The following SV2C variants were observed in gnomAD, a reference collection of about 807,000 sequenced individuals.
SV2C encodes the protein solute carrier family 22 member B3.
Under a neutral mutation model 79.7 loss-of-function variants are expected in SV2C, and 49 were observed. The observed-to-expected ratio is 0.61, with a 90% CI of 0.49 to 0.78. The LOEUF (loss-of-function observed/expected upper bound fraction) is 0.78, where lower values mean the gene tolerates loss of function less well. Ranked by LOEUF, SV2C falls within the 30% of genes least tolerant of loss-of-function variation. The pLI is 0.00. For missense variants in SV2C, 833 were observed against 912.9 expected, an observed-to-expected ratio of 0.91 and a Z score of 1.13; for synonymous variants, 334 against 333.2, an observed-to-expected ratio of 1.00 and a Z score of -0.03.
At chr5:75,916,382 C>A in the SV2C span, among the ~76,000 whole-genome samples, 1 of 141,226 alleles carries the variant, frequency 7.1e-6, no homozygotes. Flanking sequence ...TCCTCCTCCT[C>A]CCCTTCCCCT....
rs369214665 is a variant in SV2C at position 76,108,570 on chromosome 5, A to G, written c.-101-23080A>G. On this transcript the variant is annotated intron_variant, in intron 1 of 12. Coordinates refer to ENST00000502798, the MANE Select transcript of SV2C (RefSeq NM_014979.4). ...TTCTTAAAATTGTATTCTTCACCAT[A>G]TTAGAGGGGAGAATACCTTTCTCTT... Among the ~76,000 whole-genome samples, 94 of 129,202 alleles carry G rather than the reference A, an allele frequency of 7.3e-4. 1 individual carries two copies. Among genetic ancestry groups the G allele is most frequent in the African/African-American group, 3.2e-3 (83 of 25,940 alleles). The allele number at this position is 129,202 out of a possible 152,430, so 84.8% of individuals were successfully genotyped here. A position where few individuals can be genotyped will look rare whatever the true frequency, so the allele number is the denominator to read the frequency against.
chr5:75,974,605 G>T, the SV2C span, among the ~76,000 whole-genome samples: 1 of 151,410 alleles, frequency 6.6e-6, no homozygotes, highest in Non-Finnish European at 1.5e-5. Flanking sequence ...AACAGTGATG[G>T]CATATTGGGA....
At chr5:75,982,206 T>G in the SV2C span, among the ~76,000 whole-genome samples, 2 of 123,622 alleles carry the variant, frequency 1.6e-5, no homozygotes, top group Non-Finnish European at 3.5e-5. Context: ...AATGTGCACA[T>G]GTACCCTAAA....
the SV2C span, among the ~76,000 whole-genome samples, chr5:76,029,312 G>C: frequency 2.0e-5 from 3 of 152,112 alleles, no homozygotes; most frequent in African/African-American, 7.2e-5. Flanking sequence ...TCATACAATA[G>C]ATCTCTTGAA....
chr5:75,877,940 GA>G, the SV2C span, among the ~76,000 whole-genome samples: 1,733 of 121,382 alleles, frequency 0.014, 14 homozygotes, highest in East Asian at 0.043. Context: ...GGGAGTGATA[GA>G]AAAAAAAAAA....
the SV2C span, among the ~76,000 whole-genome samples, chr5:75,927,670 A>G: frequency 6.6e-6 from 1 of 152,208 alleles, no homozygotes; most frequent in African/African-American, 2.4e-5. Context: ...AAACAATAAC[A>G]ACAAACCCCC....
the SV2C span, among the ~76,000 whole-genome samples, chr5:75,877,294 G>A: frequency 6.6e-6 from 1 of 151,870 alleles, no homozygotes; most frequent in Non-Finnish European, 1.5e-5. Flanking sequence ...AATATATGAA[G>A]CAAATAAAGA....
At chr5:75,894,947 G>C in the SV2C span, among the ~76,000 whole-genome samples, 1 of 151,994 alleles carries the variant, frequency 6.6e-6, no homozygotes, top group Non-Finnish European at 1.5e-5. Flanking sequence ...ACTGACTGAC[G>C]GAGTGTTGAA....
chr5:76,227,622 C>G (rs1012665181), intron 4 of SV2C, among the ~76,000 whole-genome samples: 1 of 152,172 alleles, frequency 6.6e-6, no homozygotes, highest in African/African-American at 2.4e-5. Context: ...ACCTCCGTGG[C>G]ACTGAACACA....
chr5:76,104,025 C>A (rs972242714), intron 1 of SV2C, among the ~76,000 whole-genome samples: 1 of 152,186 alleles, frequency 6.6e-6, no homozygotes, highest in African/African-American at 2.4e-5. Context: ...TCATGACTAA[C>A]TTTATTCTAT....
chr5:76,151,690 G>A (rs1036908620), intron 2 of SV2C, among the ~76,000 whole-genome samples: 4 of 152,174 alleles, frequency 2.6e-5, no homozygotes, highest in Non-Finnish European at 2.9e-5. Context: ...TGAGGTTGGC[G>A]GGGAGGTGGG....
intron 12 of SV2C, among the ~76,000 whole-genome samples, chr5:76,322,975 G>C (rs1030640647): frequency 2.0e-5 from 3 of 152,032 alleles, no homozygotes; most frequent in Non-Finnish European, 4.4e-5. Context: ...CATAGGCATG[G>C]GCAAATACTT....
the SV2C span, among the ~76,000 whole-genome samples, chr5:75,938,004 A>T: frequency 6.6e-6 from 1 of 152,170 alleles, no homozygotes; most frequent in African/African-American, 2.4e-5. Context: ...CAAGGAGGCA[A>T]CACAAGTATA....
chr5:76,114,442 C>T (rs1295211763), intron 1 of SV2C, among the ~76,000 whole-genome samples: 6 of 152,208 alleles, frequency 3.9e-5, no homozygotes, highest in Admixed American at 3.9e-4. Context: ...ACAGTGCAAG[C>T]TCTGGGGGCT....
Position 76,135,859 on chromosome 5 carries a change from CA to C in SV2C, c.580+3530del, listed in dbSNP as rs1465141358. Among the ~76,000 whole-genome samples the C allele has an allele frequency of 2.6e-5, 4 of 152,206 alleles. No individual in the cohort carries two copies. The East Asian group carries it at 5.8e-4, about 22-fold the overall frequency. On this transcript the variant is annotated intron_variant, in intron 2 of 12. Transcript: ENST00000502798. The stretch of plus-strand genomic sequence containing the variant: ...GTATGGTTCTAAGATTACCCCTAGG[CA>C]GGAAAGATGTGCAGCCATTTTCAGC...
chr5:76,299,030 A>G, intron 10 of SV2C, 103 bp downstream of exon 10: 4 of 1,292,700 alleles, frequency 3.1e-6, no homozygotes, highest in Non-Finnish European at 4.1e-6. Flanking sequence ...GGAAGTGGAT[A>G]TTAAAGAATA....
intron 2 of SV2C, chr5:76,170,891 C>G (rs1276654610): frequency 3.1e-5 from 12 of 393,046 alleles, no homozygotes; most frequent in Non-Finnish European, 4.3e-5. Flanking sequence ...GGAGCCGGGA[C>G]AGTCGCGGCG....
intron 4 of SV2C, among the ~76,000 whole-genome samples, chr5:76,254,110 A>G (rs1031136512): frequency 1.3e-5 from 2 of 150,614 alleles, no homozygotes; most frequent in Non-Finnish European, 3.0e-5. Context: ...GGGAGAAACC[A>G]CCTCCCTGTC....
chr5:75,916,053 G>C, the SV2C span, among the ~76,000 whole-genome samples: 1 of 152,176 alleles, frequency 6.6e-6, no homozygotes, highest in Non-Finnish European at 1.5e-5. Flanking sequence ...TCAGGCAATA[G>C]AGAATTACTT....
Sources: gnomAD v4.1 joint callset for allele counts (sites outside exome capture counted in the v4.1 genomes callset) on GRCh38, gnomAD v4.1.1 for gene constraint, MANE v1.5 for transcripts, NCBI Gene and HGNC (gene_info 2026-07-23, HGNC 2026-07-21) for gene names.